Variants in STRN observed in about 807,000 individuals in gnomAD.
STRN encodes striatin.
Under a neutral mutation model 96.3 loss-of-function variants are expected in STRN, and 53 were observed. The ratio of observed to expected loss-of-function variants is 0.55; its 90% CI spans 0.44 to 0.69. The LOEUF is 0.69. STRN is among the 30% of genes least tolerant of loss of function. The pLI is 0.00. For synonymous variants in STRN, 428 were observed against 355.9 expected, an observed-to-expected ratio of 1.20 and a Z score of -2.28; for missense variants, 987 against 963.9, an observed-to-expected ratio of 1.02 and a Z score of -0.32.
chr2:36,885,476 G>A (rs1267027040), intron 8 of STRN, among the ~76,000 whole-genome samples: 1 of 152,074 alleles, frequency 6.6e-6, no homozygotes, highest in Non-Finnish European at 1.5e-5. Context: ...CTATCAGTAA[G>A]TATATTTGGC....
intron 10 of STRN, among the ~76,000 whole-genome samples, chr2:36,874,820 A>G (rs1001297251): frequency 6.6e-6 from 1 of 152,012 alleles, no homozygotes; most frequent in Non-Finnish European, 1.5e-5. Context: ...AAAACAAGAC[A>G]CAGAGAGAAC....
At chr2:36,963,388 G>A (rs1462563507) in intron 1 of STRN, among the ~76,000 whole-genome samples, 1 of 152,164 alleles carries the variant, frequency 6.6e-6, no homozygotes, top group Non-Finnish European at 1.5e-5. Context: ...GACACCAACT[G>A]AGCCGTATTT....
At position 36,843,178 on chromosome 2, in the gene STRN, T is replaced by C. The variant is rs796295502; in HGVS notation, c.*6278A>G. 2.0e-5 allele frequency among the ~76,000 whole-genome samples: 3 copies of C among 152,162 alleles called. No individual in the cohort carries two copies. Among genetic ancestry groups the C allele is most frequent in the Admixed American group, 2.0e-4 (3 of 15,270 alleles). On this transcript the variant is annotated 3_prime_UTR_variant, in exon 18 of 18. Coordinates refer to ENST00000263918, the MANE Select transcript of STRN (RefSeq NM_003162.4). ...CAACACTACTGAAAATGTGTGTACA[T>C]ACCAAAGGATATAATACTCATTAGT... is the stretch of plus-strand genomic sequence containing the variant.
rs546641954 is a variant in STRN, at chr2:36,859,035, T to C, written c.1670-1012A>G. Among the ~76,000 whole-genome samples the C allele has an allele frequency of 1.2e-4, 19 of 152,284 alleles. 1 individual carries two copies. The South Asian group carries it at 3.9e-3, about 32-fold the overall frequency. On this transcript the variant is annotated intron_variant, in intron 13 of 17. Coordinates refer to ENST00000263918, the MANE Select transcript of STRN (RefSeq NM_003162.4). The stretch of plus-strand genomic sequence containing the variant: ...CCACATGAAAAAAGAAACAGCATGA[T>C]ATGCAAGTAAATGTATAAGCAATTC...
chr2:36,908,104 G>GT (rs1267664414), intron 3 of STRN, among the ~76,000 whole-genome samples: 2 of 152,156 alleles, frequency 1.3e-5, no homozygotes, highest in African/African-American at 4.8e-5. Flanking sequence ...AGGTAACATA[G>GT]TATGTTCCAA....
chr2:36,885,359 CAT>C (rs917228180), intron 8 of STRN, among the ~76,000 whole-genome samples: 3 of 152,248 alleles, frequency 2.0e-5, no homozygotes, highest in East Asian at 3.9e-4. Context: ...TTATTTCTCA[CAT>C]ATGACATTCA....
At chr2:36,937,745 T>C (rs1670743412) in intron 1 of STRN, among the ~76,000 whole-genome samples, 1 of 151,624 alleles carries the variant, frequency 6.6e-6, no homozygotes, top group Non-Finnish European at 1.5e-5. Context: ...TGCATAGACA[T>C]GACCATATTC....
chr2:36,958,760 A>T (rs1325747359), intron 1 of STRN, among the ~76,000 whole-genome samples: 1 of 152,230 alleles, frequency 6.6e-6, no homozygotes, highest in Non-Finnish European at 1.5e-5. Flanking sequence ...GCAACTGAGA[A>T]ATCTGCAGAA....
intron 7 of STRN, 60 bp downstream of exon 7, chr2:36,893,838 A>T (rs1669467020): frequency 3.3e-6 from 5 of 1,529,744 alleles, no homozygotes; most frequent in Non-Finnish European, 4.4e-6. Flanking sequence ...CCCTCCTGGT[A>T]AAATATTAAT....
At chr2:36,855,093 G>A (rs1021184839) in intron 15 of STRN, 119 bp downstream of exon 15, 87 of 1,084,308 alleles carry the variant, frequency 8.0e-5, no homozygotes, top group Non-Finnish European at 1.1e-4. Context: ...ACTGTGTTCT[G>A]AAAGTTAAGA....
At chr2:36,884,138 T>A (rs1669150421) in intron 8 of STRN, 63 bp from the exon 9 acceptor site, 2 of 1,270,922 alleles carry the variant, frequency 1.6e-6, no homozygotes, top group African/African-American at 1.5e-5. Context: ...TCCAATTGCA[T>A]CAAAATGGTA....
chr2:36,899,682 G>T (rs1310351667), intron 5 of STRN, 24 bp from the exon 6 acceptor site: 1 of 1,555,366 alleles, frequency 6.4e-7, no homozygotes, highest in Non-Finnish European at 8.7e-7. Context: ...TGTATATCCT[G>T]CTTAGTTAAT....
intron 10 of STRN, among the ~76,000 whole-genome samples, chr2:36,876,013 T>C (rs149191035): frequency 4.6e-4 from 70 of 152,258 alleles, no homozygotes; most frequent in African/African-American, 1.7e-3. Context: ...ACACCTGTAA[T>C]CCCAGCATTT....
intron 16 of STRN, 110 bp downstream of exon 16, chr2:36,850,890 G>A (rs1438003679): frequency 2.8e-6 from 2 of 720,614 alleles, no homozygotes; most frequent in African/African-American, 1.8e-5. Flanking sequence ...TTGGGGTTCA[G>A]TGCCTATTCC....
chr2:36,955,296 A>G (rs1399403501), intron 1 of STRN, among the ~76,000 whole-genome samples: 1 of 152,168 alleles, frequency 6.6e-6, no homozygotes, highest in African/African-American at 2.4e-5. Flanking sequence ...GCCCTAATTG[A>G]TGAAACGGGG....
At chr2:36,925,486 A>T (rs1670384981) in intron 1 of STRN, among the ~76,000 whole-genome samples, 1 of 152,088 alleles carries the variant, frequency 6.6e-6, no homozygotes, top group Non-Finnish European at 1.5e-5. Flanking sequence ...AATATAAAAC[A>T]ACTAATATTG....
intron 1 of STRN, among the ~76,000 whole-genome samples, chr2:36,943,552 C>T (rs1039430464): frequency 1.3e-5 from 2 of 152,106 alleles, no homozygotes; most frequent in African/African-American, 2.4e-5. Context: ...CACTTGTAAT[C>T]CCAGCACTTC....
intron 1 of STRN, among the ~76,000 whole-genome samples, chr2:36,954,656 A>C (rs1664841266): frequency 6.7e-6 from 1 of 148,202 alleles, no homozygotes; most frequent in African/African-American, 2.5e-5. Context: ...TTTTAGATGG[A>C]GTTTCACTCT....
chr2:36,849,567 G>A lies in STRN; in HGVS notation c.2232C>T (p.Phe744=). ...NLESKTCIQE[F]TAHRKKFEES... is the part of the protein sequence containing the mutation. ...CTTCAAACTTTTTTCGATGAGCTGT[G>A]AATTCTTGGATACACGTCTTACTTT... The change falls in exon 18 of 18, where the codon TTC becomes TTT. Residue 744 remains phenylalanine, a synonymous_variant. Coordinates refer to ENST00000263918, the MANE Select transcript of STRN (RefSeq NM_003162.4). The A allele has an allele frequency of 1.2e-6, 2 of 1,613,978 alleles. No homozygotes were observed. Among genetic ancestry groups the A allele is most frequent in the African/African-American group, 2.7e-5 (2 of 74,994 alleles).
Sources: allele counts gnomAD v4.1 joint callset (sites outside exome capture counted in the v4.1 genomes callset), GRCh38; gene constraint gnomAD v4.1.1; transcripts MANE v1.5; gene names NCBI Gene and HGNC (gene_info 2026-07-23, HGNC 2026-07-21).